The following PRKCQ variants were observed in gnomAD, a reference collection of about 807,000 sequenced individuals.
PRKCQ encodes protein kinase C theta type.
Under a neutral mutation model 91.2 loss-of-function variants are expected in PRKCQ, and 41 were observed. The observed-to-expected ratio is 0.45, with a 90% CI of 0.35 to 0.58. The LOEUF (loss-of-function observed/expected upper bound fraction) is 0.58. Ranked by LOEUF, PRKCQ falls within the 20% of genes least tolerant of loss-of-function variation. The pLI, the probability that PRKCQ is intolerant of heterozygous loss-of-function variation, is 0.00. For missense variants in PRKCQ, 673 were observed against 896.5 expected (o/e 0.75, Z 3.18); for synonymous variants, 307 against 316.9 (o/e 0.97, Z 0.33).
intron 1 of PRKCQ, among the ~76,000 whole-genome samples, chr10:6,546,639 G>A (rs1478391254): frequency 6.6e-6 from 1 of 152,178 alleles, no homozygotes; most frequent in South Asian, 2.1e-4. Flanking sequence ...GGGCTGAGAC[G>A]ATGGAGTTTT....
the PRKCQ span, among the ~76,000 whole-genome samples, chr10:6,417,281 A>G: frequency 1.3e-5 from 2 of 152,180 alleles, no homozygotes; most frequent in Non-Finnish European, 2.9e-5. Flanking sequence ...CTGAAATTTG[A>G]GTAGGCTTTG....
At chr10:6,579,649 CTTTTT>C (rs5782914) in intron 1 of PRKCQ, among the ~76,000 whole-genome samples, 16 of 132,018 alleles carry the variant, frequency 1.2e-4, no homozygotes, top group African/African-American at 1.9e-4. Flanking sequence ...GCAGATTTTT[CTTTTT>C]TTTTTTTTTT....
chr10:6,560,598 A>G (rs1242864305), intron 1 of PRKCQ, among the ~76,000 whole-genome samples: 1 of 152,148 alleles, frequency 6.6e-6, no homozygotes, highest in African/African-American at 2.4e-5. Context: ...TTTTCTCCGT[A>G]TTCATTTTCA....
At chr10:6,487,406 G>A (rs960931569) in intron 8 of PRKCQ, among the ~76,000 whole-genome samples, 2 of 152,188 alleles carry the variant, frequency 1.3e-5, no homozygotes, top group African/African-American at 4.8e-5. Context: ...GGAGAACGGG[G>A]TGCTGGTGGC....
intron 14 of PRKCQ, among the ~76,000 whole-genome samples, chr10:6,458,723 C>T (rs552436613): frequency 6.6e-6 from 1 of 152,256 alleles, no homozygotes; most frequent in South Asian, 2.1e-4. Context: ...CCTTGCTTGT[C>T]TCATGGGGTC....
intron 15 of PRKCQ, among the ~76,000 whole-genome samples, chr10:6,449,962 C>A (rs546648674): frequency 6.6e-6 from 1 of 152,180 alleles, no homozygotes; most frequent in South Asian, 2.1e-4. Flanking sequence ...ACAACTGGTA[C>A]CAGCTGCTGC....
At chr10:6,574,821 T>G (rs926155924) in intron 1 of PRKCQ, among the ~76,000 whole-genome samples, 4 of 152,144 alleles carry the variant, frequency 2.6e-5, no homozygotes, top group Admixed American at 2.6e-4. Flanking sequence ...TGCAGGGACA[T>G]TCTACAAACA....
In PRKCQ at chr10:6,486,044, G is replaced by A; in HGVS notation, c.891C>T (p.Ser297=). The change falls in exon 9 of 18, where the codon AGC becomes AGT. Residue 297 remains serine (S), a synonymous_variant. Transcript: ENST00000263125. ...CGGCACATGCTCCTACCTGTTGAGTGCTCTCAATCATGGCCAGCGCTTCAG... is the reference window on the plus strand; with the variant it reads ...CGGCACATGCTCCTACCTGTTGAGTACTCTCAATCATGGCCAGCGCTTCAG... The part of the protein sequence containing the change: ...LMAEALAMIE[S]TQQARCLRDT... 2 of 1,613,702 alleles carry A rather than the reference G, an allele frequency of 1.2e-6. No homozygotes were observed. The highest frequency in any genetic ancestry group is 1.7e-6 in the Non-Finnish European group (2 of 1,179,926).
chr10:6,557,681 G>A (rs888281558), intron 1 of PRKCQ, among the ~76,000 whole-genome samples: 4 of 151,776 alleles, frequency 2.6e-5, no homozygotes, highest in African/African-American at 4.8e-5. Flanking sequence ...CACTTTCTTC[G>A]GTCCCCTGTA....
chr10:6,530,436 A>T (rs1839350894), intron 1 of PRKCQ, among the ~76,000 whole-genome samples: 1 of 152,252 alleles, frequency 6.6e-6, no homozygotes. Context: ...CAGCAAGCGG[A>T]AGCAGCAGTG....
At chr10:6,413,314 C>T in the PRKCQ span, among the ~76,000 whole-genome samples, 2 of 151,898 alleles carry the variant, frequency 1.3e-5, no homozygotes, top group Non-Finnish European at 2.9e-5. Flanking sequence ...CTTTAAACAG[C>T]AAAAACAAAT....
chr10:6,500,705 A>T (rs621685), intron 4 of PRKCQ, among the ~76,000 whole-genome samples: 2 of 151,862 alleles, frequency 1.3e-5, no homozygotes, highest in Admixed American at 6.6e-5. Flanking sequence ...GGTTTTTGCA[A>T]TTTTTTTTCT....
chr10:6,415,226 A>G, the PRKCQ span, among the ~76,000 whole-genome samples: 48,936 of 150,812 alleles, frequency 0.32, 8,709 homozygotes, highest in African/African-American at 0.48. Context: ...GCCTCCCAAA[A>G]TGCTAGAATT....
intron 11 of PRKCQ, among the ~76,000 whole-genome samples, chr10:6,481,828 CA>C (rs1836613558): frequency 6.6e-6 from 1 of 152,092 alleles, no homozygotes; most frequent in Admixed American, 6.5e-5. Context: ...GAATGTAAAA[CA>C]AATAGGAGCC....
chr10:6,468,186 AAC>A (rs1338282611), intron 12 of PRKCQ, among the ~76,000 whole-genome samples: 1 of 152,254 alleles, frequency 6.6e-6, no homozygotes, highest in Non-Finnish European at 1.5e-5. Context: ...CATTATTTAA[AAC>A]ACAAGATAGT....
intron 16 of PRKCQ, among the ~76,000 whole-genome samples, chr10:6,440,120 A>G (rs1438618322): frequency 2.0e-5 from 3 of 152,128 alleles, no homozygotes; most frequent in Non-Finnish European, 4.4e-5. Flanking sequence ...TGCCCTGTGA[A>G]GAGGTGCCTT....
chr10:6,474,959 T>C (rs1311402387), intron 12 of PRKCQ, among the ~76,000 whole-genome samples: 1 of 152,070 alleles, frequency 6.6e-6, no homozygotes, highest in African/African-American at 2.4e-5. Context: ...ACAGAAAATG[T>C]AAATATTAAC....
chr10:6,431,007 G>C, intron 16 of PRKCQ, 69 bp from the exon 17 acceptor site: 1 of 1,536,226 alleles, frequency 6.5e-7, no homozygotes, highest in South Asian at 1.2e-5. Flanking sequence ...AGGTCGTGGT[G>C]CTTCCTGGTG....
the PRKCQ span, among the ~76,000 whole-genome samples, chr10:6,411,408 C>G: frequency 6.6e-6 from 1 of 152,214 alleles, no homozygotes; most frequent in African/African-American, 2.4e-5. Flanking sequence ...AAACATCACT[C>G]TAGCCTCAGA....
Sources: gnomAD v4.1 joint callset for allele counts (sites outside exome capture counted in the v4.1 genomes callset) on GRCh38, gnomAD v4.1.1 for gene constraint, MANE v1.5 for transcripts, NCBI Gene and HGNC (gene_info 2026-07-23, HGNC 2026-07-21) for gene names.